The following ARHGAP29 variants were observed in gnomAD, a reference collection of about 807,000 sequenced individuals.
The protein encoded by ARHGAP29 is rho GTPase-activating protein 29.
A neutral mutation model predicts 122.6 loss-of-function variants in ARHGAP29; 43 were observed. The observed-to-expected ratio is 0.35, with a 90% confidence interval of 0.27 to 0.45. The LOEUF (loss-of-function observed/expected upper bound fraction) is 0.45, where lower values mean the gene tolerates loss of function less well. Ranked by LOEUF, ARHGAP29 falls within the 20% of genes least tolerant of loss-of-function variation. The probability of loss-of-function intolerance (pLI) is 1.00; values close to 1 mark genes in which losing one functional copy is unlikely to be tolerated. For synonymous variants in ARHGAP29, 506 were observed against 497.1 expected, an observed-to-expected ratio of 1.02 and a Z score of -0.24; for missense variants, 1,303 against 1,477.2, an observed-to-expected ratio of 0.88 and a Z score of 1.93.
chr1:94,215,619 T>C (rs1435584368), intron 3 of ARHGAP29, among the ~76,000 whole-genome samples: 23 of 152,164 alleles, frequency 1.5e-4, no homozygotes, highest in Non-Finnish European at 2.9e-5. Context: ...CTTTACAATG[T>C]TTCTGAAGAC....
intron 3 of ARHGAP29, among the ~76,000 whole-genome samples, chr1:94,215,742 A>C (rs1651920056): frequency 6.6e-6 from 1 of 152,158 alleles, no homozygotes; most frequent in African/African-American, 2.4e-5. Context: ...GAAACCATAA[A>C]AGACTGAAAA....
rs1205409209 is a variant in ARHGAP29, at chr1:94,174,681, G to A, written c.2974C>T (p.Pro992Ser). ...ASQKIEDGKTPKPLSLKSDRS... is the reference protein window; with the variant it reads ...ASQKIEDGKTSKPLSLKSDRS... ...TCAGATTTCAGAGAAAGTGGCTTAG[G>A]GGTTTTACCATCTTCTATCTTTTGG... The change falls in exon 23 of 23, where the codon CCT (proline) becomes TCT (serine). Residue 992 changes from proline to serine, a missense_variant. Physicochemically the swap from Pro to Ser is moderately conservative, Grantham distance 74. Coordinates refer to ENST00000260526, the MANE Select transcript of ARHGAP29 (RefSeq NM_004815.4). 1 of 1,614,014 alleles carries A rather than the reference G, an allele frequency of 6.2e-7. No individual in the cohort carries two copies. The highest frequency in any genetic ancestry group is 1.7e-5 in the Admixed American group (1 of 60,016).
chr1:94,203,868 A>G (rs977323718), intron 8 of ARHGAP29, 62 bp downstream of exon 8: 9 of 1,446,994 alleles, frequency 6.2e-6, no homozygotes, highest in Non-Finnish European at 8.7e-6. Context: ...GATTTTGCAA[A>G]TTATTGGGAG....
rs1557832597 is a variant in ARHGAP29 at position 94,172,633 on chromosome 1, T to TATA, written c.*1235_*1236insTAT. On this transcript the variant is annotated 3_prime_UTR_variant, in exon 23 of 23. Coordinates refer to ENST00000260526, the MANE Select transcript of ARHGAP29 (RefSeq NM_004815.4). ...AGTTGATATATATATATATATATATTATCAAGTATAACACAGTCATACAAA... is the reference window on the plus strand; with the variant it reads ...AGTTGATATATATATATATATATATTATAATCAAGTATAACACAGTCATACAAA... The TATA allele has an allele frequency of 3.9e-3, 420 of 107,874 alleles. 2 individuals carry two copies. The highest frequency in any genetic ancestry group is 0.011 in the African/African-American group (355 of 31,470). 6.7% of individuals were successfully genotyped at this position (107,874 alleles called of 1,614,324 possible).
At chr1:94,276,166 G>A (rs947266923), upstream of ARHGAP29, among the ~76,000 whole-genome samples, 15 of 151,884 alleles carry the variant, frequency 9.9e-5, no homozygotes, top group African/African-American at 7.3e-5. Context: ...GATGAGGCAC[G>A]AGAATCATTT....
At chr1:94,247,432 G>A (rs1653854185) in intron 1 of ARHGAP29, among the ~76,000 whole-genome samples, 2 of 151,722 alleles carry the variant, frequency 1.3e-5, no homozygotes. Context: ...TCGCTCGTCC[G>A]CGCCTGCCTC....
At chr1:94,220,561 CTTCAGAAAA>C (rs1652235416) in intron 2 of ARHGAP29, among the ~76,000 whole-genome samples, 169 bp from the exon 3 acceptor site, 1 of 152,076 alleles carries the variant, frequency 6.6e-6, no homozygotes, top group African/African-American at 2.4e-5. Context: ...TTTAAAAAGC[CTTCAGAAAA>C]TCCTTAGTCA....
At chr1:94,280,795 T>C in the ARHGAP29 span, among the ~76,000 whole-genome samples, 1 of 152,344 alleles carries the variant, frequency 6.6e-6, no homozygotes, top group Middle Eastern at 3.4e-3. Flanking sequence ...GGCCAGAGCT[T>C]ATCCTGGTTC....
intron 15 of ARHGAP29, among the ~76,000 whole-genome samples, chr1:94,188,441 T>TAA (rs530746675): frequency 6.6e-6 from 1 of 150,828 alleles, no homozygotes; most frequent in South Asian, 2.1e-4. Context: ...ACATAGATCT[T>TAA]AAAAAAAAAC....
intron 3 of ARHGAP29, among the ~76,000 whole-genome samples, chr1:94,216,368 A>C (rs1457342848): frequency 6.6e-6 from 1 of 152,212 alleles, no homozygotes; most frequent in South Asian, 2.1e-4. Flanking sequence ...ACAATGAGCA[A>C]GGAGCAGAAC....
At chr1:94,215,575 G>C (rs1651911360) in intron 3 of ARHGAP29, among the ~76,000 whole-genome samples, 1 of 152,010 alleles carries the variant, frequency 6.6e-6, no homozygotes, top group South Asian at 2.1e-4. Context: ...GCGAAAATAT[G>C]AATTACCTGA....
At chr1:94,255,065 C>A (rs567322010) in intron 1 of ARHGAP29, among the ~76,000 whole-genome samples, 1 of 152,280 alleles carries the variant, frequency 6.6e-6, no homozygotes, top group South Asian at 2.1e-4. Flanking sequence ...GTGTTTGCCA[C>A]CCCCACGCCA....
chr1:94,273,261 T>C (rs1338405462), intron 1 of ARHGAP29, among the ~76,000 whole-genome samples: 1 of 152,216 alleles, frequency 6.6e-6, no homozygotes, highest in African/African-American at 2.4e-5. Flanking sequence ...TAAGTAAATA[T>C]CAAATGAGTC....
chr1:94,259,225 G>A (rs1323451472), intron 1 of ARHGAP29, among the ~76,000 whole-genome samples: 1 of 152,154 alleles, frequency 6.6e-6, no homozygotes, highest in Non-Finnish European at 1.5e-5. Context: ...TGCCAGTGAT[G>A]GGCAGCTGGT....
chr1:94,261,171 C>T (rs555995367), intron 1 of ARHGAP29, among the ~76,000 whole-genome samples: 1 of 152,284 alleles, frequency 6.6e-6, no homozygotes, highest in South Asian at 2.1e-4. Context: ...TGGAAAGTCC[C>T]TTACTATTGC....
intron 19 of ARHGAP29, among the ~76,000 whole-genome samples, chr1:94,182,541 C>T (rs1023354402): frequency 1.3e-5 from 2 of 151,914 alleles, no homozygotes; most frequent in African/African-American, 4.8e-5. Context: ...AAGAAGATTC[C>T]ACAAGCTTTC....
upstream of ARHGAP29, chr1:94,237,602 T>TGCAGCTACCGCCACGGCC: frequency 1.0e-6 from 1 of 987,834 alleles, no homozygotes; most frequent in Non-Finnish European, 1.2e-6. Flanking sequence ...CCACCGCCCC[T>TGCAGCTACCGCCACGGCC]GCAGCTACCG....
At chr1:94,211,599 T>C (rs1488725597) in intron 3 of ARHGAP29, among the ~76,000 whole-genome samples, 2 of 152,254 alleles carry the variant, frequency 1.3e-5, no homozygotes, top group East Asian at 3.9e-4. Context: ...GACTATATTA[T>C]GGGCCATAAA....
upstream of ARHGAP29, among the ~76,000 whole-genome samples, chr1:94,239,398 A>C (rs1653486426): frequency 6.6e-6 from 1 of 152,188 alleles, no homozygotes; most frequent in Non-Finnish European, 1.5e-5. Context: ...ATGGAACTGG[A>C]AGCATCACTG....
Sources: gnomAD v4.1 joint callset for allele counts (sites outside exome capture counted in the v4.1 genomes callset) on GRCh38, gnomAD v4.1.1 for gene constraint, MANE v1.5 for transcripts, NCBI Gene and HGNC (gene_info 2026-07-23, HGNC 2026-07-21) for gene names.